Variants in LYAR observed in about 807,000 individuals in gnomAD.
LYAR encodes the protein cell growth-regulating nucleolar protein.
LYAR carries 37 observed loss-of-function variants against 45.2 expected under a neutral mutation model. The ratio of observed to expected loss-of-function variants is 0.82; its 90% confidence interval spans 0.63 to 1.08. The LOEUF (loss-of-function observed/expected upper bound fraction) is 1.08, where lower values mean the gene tolerates loss of function less well. LYAR is among the 50% of genes least tolerant of loss of function. The probability of loss-of-function intolerance (pLI) is 0.00; values close to 1 mark genes in which losing one functional copy is unlikely to be tolerated. For missense variants in LYAR, 493 were observed against 451.0 expected (o/e 1.09, Z -0.84); for synonymous variants, 176 against 155.1 (o/e 1.14, Z -1.00).
intron 8 of LYAR, among the ~76,000 whole-genome samples, chr4:4,271,046 AAT>A (rs1323961854): frequency 6.6e-6 from 1 of 152,142 alleles, no homozygotes; most frequent in African/African-American, 2.4e-5. Context: ...GTTATTTTAA[AAT>A]GTACAATTAA....
chr4:4,282,037 CTTA>C, intron 3 of LYAR, 140 bp from the exon 4 acceptor site: 1 of 592,058 alleles, frequency 1.7e-6, no homozygotes, highest in East Asian at 2.7e-5. Context: ...ATCTATTTCA[CTTA>C]TTATGTTTAC....
Position 4,283,910 on chromosome 4 carries a change from A to G in LYAR, c.-53-115T>C, listed in dbSNP as rs528556936. The G allele has an allele frequency of 9.1e-6, 5 of 549,106 alleles. No individual in the cohort carries two copies. The African/African-American group carries it at 9.4e-5, about 10-fold the overall frequency. The allele number at this position is 549,106 out of a possible 1,614,324, so 34.0% of individuals were successfully genotyped here. On this transcript the variant is annotated intron_variant, in intron 2 of 9. Coordinates refer to ENST00000343470, the MANE Select transcript of LYAR (RefSeq NM_017816.3). ...CATGAAAATAACAGAGTCAAAGTTGATTAGCAATCTACATAAAATTCCACC... is the reference window on the plus strand; with the variant it reads ...CATGAAAATAACAGAGTCAAAGTTGGTTAGCAATCTACATAAAATTCCACC...
In LYAR at chr4:4,273,717, T is replaced by C. The variant is rs773674740; in HGVS notation, c.833-48A>G. The C allele has an allele frequency of 3.6e-6, 4 of 1,115,310 alleles. No individual in the cohort carries two copies. In the East Asian group the frequency reaches 9.4e-5, roughly 26 times the overall value. The allele number at this position is 1,115,310 out of a possible 1,614,324, so 69.1% of individuals were successfully genotyped here. The stretch of plus-strand genomic sequence containing the variant: ...TTTAAAGAAGATTTTGCATTTACGC[T>C]AGCAGCTACCATTTAATGAGACCTT... On this transcript the variant is annotated intron_variant, in intron 7 of 9. Coordinates refer to ENST00000343470, the MANE Select transcript of LYAR (RefSeq NM_017816.3).
intron 6 of LYAR, among the ~76,000 whole-genome samples, chr4:4,278,435 G>A (rs760152917): frequency 1.3e-5 from 2 of 152,054 alleles, no homozygotes; most frequent in Non-Finnish European, 2.9e-5. Context: ...CCACATTTAG[G>A]GTCTCTATTC....
rs372643103 is a variant in LYAR at position 4,280,735 on chromosome 4, A to C, written c.238-986T>G. Among the ~76,000 whole-genome samples the C allele has an allele frequency of 2.7e-4, 41 of 152,312 alleles. No homozygotes were observed. In the East Asian group the frequency reaches 7.1e-3, roughly 27 times the overall value. On this transcript the variant is annotated intron_variant, in intron 4 of 9. Transcript: ENST00000343470. Reference sequence around the variant, plus strand: ...GCAAACAGGATTTCATTAGCTTCTCAATCTGCTCTAGTAAGTCCTTTGTGA... The same window carrying C: ...GCAAACAGGATTTCATTAGCTTCTCCATCTGCTCTAGTAAGTCCTTTGTGA...
At chr4:4,282,046 T>G (rs1270857165) in intron 3 of LYAR, 149 bp from the exon 4 acceptor site, 1 of 593,004 alleles carries the variant, frequency 1.7e-6, no homozygotes, top group Non-Finnish European at 3.0e-6. Flanking sequence ...ACTTATTATG[T>G]TTACAGCCTC....
intron 7 of LYAR, 73 bp downstream of exon 7, chr4:4,274,294 C>G (rs12639962): frequency 0.26 from 386,268 of 1,502,612 alleles, 54,808 homozygotes; most frequent in African/African-American, 0.6. Flanking sequence ...CTAGGTCTAA[C>G]AGGCTTAAAT....
chr4:4,286,717 G>T (rs1719629870), intron 1 of LYAR, 145 bp from the exon 2 acceptor site: 5 of 145,566 alleles, frequency 3.4e-5, no homozygotes. Context: ...TGCATTCTTG[G>T]CTCACTGCAA....
At chr4:4,271,791 A>G (rs1042969486) in intron 8 of LYAR, among the ~76,000 whole-genome samples, 1 of 152,202 alleles carries the variant, frequency 6.6e-6, no homozygotes, top group African/African-American at 2.4e-5. Flanking sequence ...CTGCACATCA[A>G]TGTTTACTGC....
intron 3 of LYAR, among the ~76,000 whole-genome samples, chr4:4,283,049 C>T (rs1376210643): frequency 6.6e-6 from 1 of 152,224 alleles, no homozygotes; most frequent in Non-Finnish European, 1.5e-5. Flanking sequence ...AATGCAATAG[C>T]AACCAGTGTC....
intron 9 of LYAR, 132 bp from the exon 10 acceptor site, chr4:4,268,155 C>G: frequency 1.2e-6 from 1 of 823,832 alleles, no homozygotes; most frequent in East Asian, 3.1e-5. Context: ...CCGGCGTGCT[C>G]TCCTTGGAAA....
At chr4:4,268,364 CA>C (rs1013468212) in intron 9 of LYAR, among the ~76,000 whole-genome samples, 165 bp downstream of exon 9, 1 of 152,148 alleles carries the variant, frequency 6.6e-6, no homozygotes, top group Non-Finnish European at 1.5e-5. Context: ...ATCTAGGCAC[CA>C]CCCTGGCTGA....
At chr4:4,281,625 T>C (rs1409896258) in intron 4 of LYAR, among the ~76,000 whole-genome samples, 158 bp downstream of exon 4, 1 of 152,226 alleles carries the variant, frequency 6.6e-6, no homozygotes, top group Non-Finnish European at 1.5e-5. Flanking sequence ...AGCCAAAGAA[T>C]TCTTTTTCAA....
At chr4:4,274,245 CAAAA>C in intron 7 of LYAR, 118 bp downstream of exon 7, 3 of 1,001,878 alleles carry the variant, frequency 3.0e-6, no homozygotes, top group East Asian at 2.8e-5. Context: ...TCAAAAAAAA[CAAAA>C]AAAAAAAAAA....
chr4:4,276,938 C>G (rs1366946224), intron 6 of LYAR, among the ~76,000 whole-genome samples: 1 of 152,172 alleles, frequency 6.6e-6, no homozygotes, highest in African/African-American at 2.4e-5. Context: ...TGTCAAGGCT[C>G]ATGGGGTAAA....
intron 8 of LYAR, among the ~76,000 whole-genome samples, chr4:4,271,673 A>G (rs941162403): frequency 6.6e-6 from 1 of 152,248 alleles, no homozygotes. Context: ...CCTCGCCAGC[A>G]TTAGTTATTG....
chr4:4,280,690 T>C (rs1276322290), intron 4 of LYAR, among the ~76,000 whole-genome samples: 1 of 152,150 alleles, frequency 6.6e-6, no homozygotes, highest in Non-Finnish European at 1.5e-5. Context: ...TGCTCAAAAG[T>C]GTGGCTGCTG....
chr4:4,270,198 C>T (rs1007249753), intron 8 of LYAR, among the ~76,000 whole-genome samples: 3 of 147,988 alleles, frequency 2.0e-5, no homozygotes, highest in African/African-American at 7.5e-5. Flanking sequence ...GAGACCCTGT[C>T]TCGAAAAATA....
In LYAR at chr4:4,283,856, A is replaced by G. The variant is rs142131218; in HGVS notation, c.-53-61T>C. 1.7e-4 allele frequency: 128 copies of G among 749,070 alleles called. No homozygotes were observed. In the African/African-American group the frequency reaches 2.0e-3, roughly 11 times the overall value. 46.4% of individuals were successfully genotyped at this position (749,070 alleles called of 1,614,324 possible). On this transcript the variant is annotated intron_variant, in intron 2 of 9. Transcript: ENST00000343470. ...AACTTCTCATTTCAATAAATGGCTC[A>G]TGCCCCTAACTTTTCAACCATAATT...
Sources: allele counts gnomAD v4.1 joint callset (sites outside exome capture counted in the v4.1 genomes callset), GRCh38; gene constraint gnomAD v4.1.1; transcripts MANE v1.5; gene names NCBI Gene and HGNC (gene_info 2026-07-23, HGNC 2026-07-21).